The following THSD4 variants were observed in gnomAD, a reference collection of about 807,000 sequenced individuals.
THSD4 encodes thrombospondin type-1 domain-containing protein 4.
THSD4 carries 69 observed loss-of-function variants against 119.0 expected under a neutral mutation model. The ratio of observed to expected loss-of-function variants is 0.58; its 90% confidence interval spans 0.48 to 0.71. The LOEUF is 0.71. THSD4 is among the 30% of genes least tolerant of loss of function. THSD4 has a pLI of 0.00. For missense variants in THSD4, 1,393 were observed against 1,391.1 expected (o/e 1.00, Z -0.02); for synonymous variants, 524 against 540.4 (o/e 0.97, Z 0.42).
At chr15:71,402,630 C>T (rs536172030) in intron 6 of THSD4, among the ~76,000 whole-genome samples, 1 of 152,122 alleles carries the variant, frequency 6.6e-6, no homozygotes, top group African/African-American at 2.4e-5. Context: ...ACAGGGTGGG[C>T]CTTTGTACCA....
intron 7 of THSD4, among the ~76,000 whole-genome samples, chr15:71,454,770 C>T (rs2047314593): frequency 6.6e-6 from 1 of 152,194 alleles, no homozygotes; most frequent in South Asian, 2.1e-4. Context: ...AATCTCAGCT[C>T]TCCAAACATC....
chr15:71,613,728 C>A (rs189964269), intron 7 of THSD4, among the ~76,000 whole-genome samples: 8 of 152,222 alleles, frequency 5.3e-5, no homozygotes, highest in Non-Finnish European at 1.2e-4. Flanking sequence ...CATATCTCAT[C>A]TAAACCATAG....
chr15:71,483,565 T>A (rs2047767378), intron 7 of THSD4, among the ~76,000 whole-genome samples: 1 of 152,120 alleles, frequency 6.6e-6, no homozygotes. Flanking sequence ...GTTCTTTTTT[T>A]AATTTATTAT....
Position 71,779,435 on chromosome 15 carries a change from A to G in THSD4, c.*2061A>G, listed in dbSNP as rs1430054087. 2 of 152,220 alleles carry G rather than the reference A, an allele frequency of 1.3e-5. No individual in the cohort carries two copies. Among genetic ancestry groups the G allele is most frequent in the Non-Finnish European group, 2.9e-5 (2 of 68,056 alleles). The allele number at this position is 152,220 out of a possible 1,614,324, so 9.4% of individuals were successfully genotyped here. On this transcript the variant is annotated 3_prime_UTR_variant, in exon 18 of 18. Transcript: ENST00000261862. ...CTTTCCAAGCAAGCCAGTCATTTGAAGAGGTTTTCTTTTCATGCTGGAGGG... is the reference window on the plus strand; with the variant it reads ...CTTTCCAAGCAAGCCAGTCATTTGAGGAGGTTTTCTTTTCATGCTGGAGGG...
Position 71,779,141 on chromosome 15 carries a change from T to C in THSD4, c.*1767T>C, listed in dbSNP as rs2053961609. 1 of 152,236 alleles carries C rather than the reference T, an allele frequency of 6.6e-6. No homozygotes were observed. Among genetic ancestry groups the C allele is most frequent in the African/African-American group, 2.4e-5 (1 of 41,452 alleles). The allele number at this position is 152,236 out of a possible 1,614,324, so 9.4% of individuals were successfully genotyped here. A position where few individuals can be genotyped will look rare whatever the true frequency, so the allele number is the denominator to read the frequency against. On this transcript the variant is annotated 3_prime_UTR_variant, in exon 18 of 18. Coordinates refer to ENST00000261862, the MANE Select transcript of THSD4 (RefSeq NM_024817.3). ...AACCTGGGGCTTTCAGAAATTCTAT[T>C]TGGCCTTTCTGTGGGTAGCTTTCCA...
chr15:71,601,620 T>G (rs954408379), intron 7 of THSD4, among the ~76,000 whole-genome samples: 2 of 152,196 alleles, frequency 1.3e-5, no homozygotes, highest in Non-Finnish European at 1.5e-5. Flanking sequence ...AAATAAACTC[T>G]GAAGAGGCTG....
intron 6 of THSD4, among the ~76,000 whole-genome samples, chr15:71,399,426 C>T (rs2046495096): frequency 6.6e-6 from 1 of 152,172 alleles, no homozygotes; most frequent in African/African-American, 2.4e-5. Context: ...TTCCTGTCTC[C>T]TCTCTGTTTT....
At chr15:71,612,764 G>T (rs2050252826) in intron 7 of THSD4, among the ~76,000 whole-genome samples, 1 of 152,212 alleles carries the variant, frequency 6.6e-6, no homozygotes, top group Admixed American at 6.5e-5. Context: ...TCAATGCATT[G>T]ATATGGCTCA....
chr15:71,484,909 A>ACGTC (rs113218419), intron 7 of THSD4, among the ~76,000 whole-genome samples: 64 of 152,260 alleles, frequency 4.2e-4, no homozygotes, highest in African/African-American at 1.4e-3. Context: ...TTTGCTTAAG[A>ACGTC]CGTCCCATCA....
chr15:71,171,726 G>A (rs902478144), intron 3 of THSD4, among the ~76,000 whole-genome samples: 2 of 152,158 alleles, frequency 1.3e-5, no homozygotes, highest in Non-Finnish European at 1.5e-5. Flanking sequence ...ATGTATGACA[G>A]TAATAGTATA....
chr15:71,164,790 C>A, intron 3 of THSD4: 6 of 1,594,344 alleles, frequency 3.8e-6, no homozygotes, highest in Non-Finnish European at 5.1e-6. Context: ...TCATCATCTT[C>A]TTCTTCATCT....
chr15:71,353,992 A>G (rs2045776874), intron 6 of THSD4, among the ~76,000 whole-genome samples: 1 of 152,236 alleles, frequency 6.6e-6, no homozygotes, highest in Non-Finnish European at 1.5e-5. Context: ...TCAGAATTCC[A>G]GGGGCTGTCT....
intron 7 of THSD4, among the ~76,000 whole-genome samples, chr15:71,451,873 C>T (rs1453008072): frequency 2.6e-5 from 4 of 152,262 alleles, no homozygotes; most frequent in Middle Eastern, 3.4e-3. Context: ...TCTGCTGGTT[C>T]GTGCTGACCA....
At chr15:71,228,931 G>A (rs1386201216) in intron 4 of THSD4, among the ~76,000 whole-genome samples, 2 of 152,202 alleles carry the variant, frequency 1.3e-5, no homozygotes, top group Non-Finnish European at 2.9e-5. Context: ...CTTTTCCTCA[G>A]TGATTGGACC....
chr15:71,517,892 C>G (rs1457544685), intron 7 of THSD4, among the ~76,000 whole-genome samples: 1 of 152,192 alleles, frequency 6.6e-6, no homozygotes, highest in African/African-American at 2.4e-5. Flanking sequence ...TCTATTTAAT[C>G]AGAACTCCTT....
intron 6 of THSD4, among the ~76,000 whole-genome samples, chr15:71,327,809 C>T (rs576039847): frequency 3.5e-4 from 54 of 152,228 alleles, no homozygotes; most frequent in African/African-American, 1.2e-3. Flanking sequence ...ACAAACACAA[C>T]CTTTTGTATT....
intron 7 of THSD4, among the ~76,000 whole-genome samples, chr15:71,597,890 G>C (rs1404370696): frequency 6.6e-6 from 1 of 152,102 alleles, no homozygotes; most frequent in African/African-American, 2.4e-5. Context: ...GAGTTCAGAC[G>C]CTCCCTGGAA....
intron 8 of THSD4, among the ~76,000 whole-genome samples, chr15:71,669,451 C>T (rs2051478382): frequency 6.6e-6 from 1 of 152,046 alleles, no homozygotes; most frequent in Non-Finnish European, 1.5e-5. Flanking sequence ...TCCTGGGGTA[C>T]ATGTGCAGAA....
chr15:71,757,557 A>AAATTTTTGT (rs1555449801), intron 14 of THSD4, among the ~76,000 whole-genome samples: 18 of 150,694 alleles, frequency 1.2e-4, no homozygotes, highest in Non-Finnish European at 1.8e-4. Flanking sequence ...CAGCCTCCCA[A>AAATTTTTGT]AGCTCTGGTA....
Sources: allele counts gnomAD v4.1 joint callset (sites outside exome capture counted in the v4.1 genomes callset), GRCh38; gene constraint gnomAD v4.1.1; transcripts MANE v1.5; gene names NCBI Gene and HGNC (gene_info 2026-07-23, HGNC 2026-07-21).